NXPH1: variants seen among roughly 807,000 people sequenced by gnomAD.
The protein encoded by NXPH1 is neurexophilin-1.
Under a neutral mutation model 23.7 loss-of-function variants are expected in NXPH1, and 5 were observed. The observed-to-expected ratio is 0.21, with a 90% CI of 0.11 to 0.44. NXPH1 has a LOEUF of 0.44. Among genes scored for constraint, NXPH1 ranks in the 20% least tolerant of loss-of-function variants. The pLI is 0.99. For synonymous variants in NXPH1, 144 were observed against 122.2 expected (o/e 1.18, Z -1.18); for missense variants, 324 against 321.6 (o/e 1.01, Z -0.06).
At chr7:8,676,816 C>T (rs927580866) in intron 2 of NXPH1, among the ~76,000 whole-genome samples, 2 of 152,152 alleles carry the variant, frequency 1.3e-5, no homozygotes, top group African/African-American at 4.8e-5. Flanking sequence ...GTTTTATACT[C>T]TGTTGTTTCA....
In NXPH1 at chr7:8,727,985, C is replaced by T. The variant is rs1780085178; in HGVS notation, c.55-23023C>T. Among the ~76,000 whole-genome samples, 3 of 151,252 alleles carry T rather than the reference C, an allele frequency of 2.0e-5. No homozygotes were observed. In the South Asian group the frequency reaches 6.3e-4, roughly 32 times the overall value. On this transcript the variant is annotated intron_variant, in intron 2 of 2. Transcript: ENST00000405863. ...CTACCCATGAGCATGGAATGTTCTT[C>T]CATTTGTTTGTATCCTCTTTTATTT...
chr7:8,697,360 G>C (rs978947730), intron 2 of NXPH1, among the ~76,000 whole-genome samples: 1 of 152,062 alleles, frequency 6.6e-6, no homozygotes, highest in Non-Finnish European at 1.5e-5. Context: ...TGGATTATAA[G>C]GGTAAGAATA....
chr7:8,644,684 A>T (rs980106212), intron 2 of NXPH1, among the ~76,000 whole-genome samples: 2 of 152,156 alleles, frequency 1.3e-5, no homozygotes, highest in Non-Finnish European at 2.9e-5. Context: ...TTGTGAATAT[A>T]AAATATCTAA....
rs375893518 is a variant in NXPH1 at position 8,626,611 on chromosome 7, A to T, written c.55-124397A>T. 2.0e-5 allele frequency among the ~76,000 whole-genome samples: 3 copies of T among 152,226 alleles called. No homozygotes were observed. In the South Asian group the frequency reaches 6.2e-4, roughly 32 times the overall value. ...TTTGCTAGTACTTTGTGCTAATATT[A>T]CACTGAAGTCAGGTCATATGAAATC... is the stretch of plus-strand genomic sequence containing the variant. On this transcript the variant is annotated intron_variant, in intron 2 of 2. Transcript: ENST00000405863.
At position 8,492,833 on chromosome 7, in the gene NXPH1, G is replaced by A. The variant is rs1817271985; in HGVS notation, c.54+57066G>A. ...AGCCTTCTTAATGCTCCAAAGCTTA[G>A]CATTTACTAGTTTATCCCCTTAAGT... On this transcript the variant is annotated intron_variant, in intron 2 of 2. Transcript: ENST00000405863. Among the ~76,000 whole-genome samples, 4 of 151,924 alleles carry A rather than the reference G, an allele frequency of 2.6e-5. No individual in the cohort carries two copies. In the South Asian group the frequency reaches 8.3e-4, roughly 31 times the overall value.
Position 8,658,089 on chromosome 7 carries a change from A to G in NXPH1, c.55-92919A>G, listed in dbSNP as rs144000874. 9.2e-4 allele frequency among the ~76,000 whole-genome samples: 140 copies of G among 152,352 alleles called. 2 individuals are homozygous for G. In the East Asian group the frequency reaches 0.022, roughly 24 times the overall value. On this transcript the variant is annotated intron_variant, in intron 2 of 2. Coordinates refer to ENST00000405863, the MANE Select transcript of NXPH1 (RefSeq NM_152745.3). ...TTTTGAAGGAAGGACAAATTCAGTG[A>G]AATGCAATAATTCAAAGTTAATTTC...
rs962889024 is a variant in NXPH1, at chr7:8,454,635, A to G, written c.54+18868A>G. ...CACCGTATCTTTCCTCCTCTATGAT[A>G]TACTCAAAATTACAAATAAGTGCAA... On this transcript the variant is annotated intron_variant, in intron 2 of 2. Coordinates refer to ENST00000405863, the MANE Select transcript of NXPH1 (RefSeq NM_152745.3). Among the ~76,000 whole-genome samples the G allele has an allele frequency of 2.9e-4, 44 of 152,148 alleles. 1 individual carries two copies.
chr7:8,623,330 A>C (rs12540805), intron 2 of NXPH1, among the ~76,000 whole-genome samples: 3,767 of 152,256 alleles, frequency 0.025, 236 homozygotes, highest in East Asian at 0.17. Context: ...CAAACTACAA[A>C]GTGATTGGAA....
chr7:8,620,170 A>AG (rs113596915), intron 2 of NXPH1, among the ~76,000 whole-genome samples: 50,217 of 152,018 alleles, frequency 0.33, 9,859 homozygotes, highest in African/African-American at 0.54. Context: ...AAAAACACAG[A>AG]AGCACAGTTC....
intron 2 of NXPH1, among the ~76,000 whole-genome samples, chr7:8,453,843 T>A (rs1049583937): frequency 2.0e-5 from 3 of 152,166 alleles, no homozygotes; most frequent in Non-Finnish European, 4.4e-5. Context: ...TTTAGGTTGA[T>A]TCCATGTCTT....
intron 2 of NXPH1, among the ~76,000 whole-genome samples, chr7:8,649,771 T>C (rs1820461396): frequency 1.3e-5 from 2 of 152,228 alleles, no homozygotes; most frequent in Non-Finnish European, 2.9e-5. Context: ...TATTATTCTC[T>C]TTTGAGTTTT....
At chr7:8,642,611 T>C (rs1270171216) in intron 2 of NXPH1, among the ~76,000 whole-genome samples, 1 of 151,388 alleles carries the variant, frequency 6.6e-6, no homozygotes, top group Non-Finnish European at 1.5e-5. Context: ...TTTGTTATTC[T>C]AACATTCTAA....
chr7:8,557,122 A>C (rs561131829), intron 2 of NXPH1, among the ~76,000 whole-genome samples: 1 of 151,838 alleles, frequency 6.6e-6, no homozygotes, highest in South Asian at 2.1e-4. Context: ...ACCAGTGGTC[A>C]CTTGTCCAGA....
At chr7:8,573,719 C>T (rs1156817367) in intron 2 of NXPH1, among the ~76,000 whole-genome samples, 3 of 152,066 alleles carry the variant, frequency 2.0e-5, no homozygotes, top group African/African-American at 7.2e-5. Flanking sequence ...AACTTTCTTC[C>T]AGTTAATTAT....
At chr7:8,541,180 C>T (rs1818111043) in intron 2 of NXPH1, among the ~76,000 whole-genome samples, 1 of 151,704 alleles carries the variant, frequency 6.6e-6, no homozygotes, top group Non-Finnish European at 1.5e-5. Flanking sequence ...GTCATTACAA[C>T]TCTATCCCAT....
chr7:8,572,300 T>A (rs1217739941), intron 2 of NXPH1, among the ~76,000 whole-genome samples: 1 of 151,962 alleles, frequency 6.6e-6, no homozygotes, highest in African/African-American at 2.4e-5. Context: ...AGGGCTAAGC[T>A]GAGAATTTTG....
In NXPH1 at chr7:8,442,535, C is replaced by T. The variant is rs538213073; in HGVS notation, c.54+6768C>T. Among the ~76,000 whole-genome samples the T allele has an allele frequency of 9.2e-5, 14 of 152,208 alleles. No individual in the cohort carries two copies. The highest frequency in any genetic ancestry group is 1.3e-4 in the Non-Finnish European group (9 of 68,040). Reference sequence around the variant, plus strand: ...ACATCCCACCCTATGTCTTAGACCCCGTCCTCACACATTGACTTTAAAAGG... The same window carrying T: ...ACATCCCACCCTATGTCTTAGACCCTGTCCTCACACATTGACTTTAAAAGG... On this transcript the variant is annotated intron_variant, in intron 2 of 2. Transcript: ENST00000405863. This position sits in a 1 kb window ranked among gnomAD's most constrained non-coding sequence, Gnocchi z 4.6.
intron 2 of NXPH1, among the ~76,000 whole-genome samples, chr7:8,595,513 C>T (rs1033869944): frequency 3.3e-5 from 5 of 151,816 alleles, no homozygotes; most frequent in African/African-American, 7.3e-5. Flanking sequence ...GTTTACATAG[C>T]GAAAATCCTT....
intron 2 of NXPH1, among the ~76,000 whole-genome samples, chr7:8,474,478 T>C (rs546691187): frequency 6.6e-6 from 1 of 152,252 alleles, no homozygotes; most frequent in East Asian, 1.9e-4. Context: ...ATTATACATC[T>C]TTCTGTCTTC....
Sources: allele counts gnomAD v4.1 joint callset (sites outside exome capture counted in the v4.1 genomes callset), GRCh38; gene constraint gnomAD v4.1.1; non-coding constraint Gnocchi (gnomAD v3.1); transcripts MANE v1.5; gene names NCBI Gene and HGNC (gene_info 2026-07-23, HGNC 2026-07-21).